Variants in ZXDB observed in about 807,000 individuals in gnomAD.
The protein encoded by ZXDB is zinc finger X-linked protein ZXDB.
For synonymous variants in ZXDB, 273 were observed against 314.3 expected, an observed-to-expected ratio of 0.87 and a Z score of 1.39; for missense variants, 413 against 679.1, an observed-to-expected ratio of 0.61 and a Z score of 4.36.
chrX:57,596,406 A>G lies in ZXDB; in HGVS notation c.*1946A>G, dbSNP rs781406947. ...ATTGAACTGGAATATTGTGTAAACT[A>G]TCTGTCTTACATTAGTGTAGCATTT... On this transcript the variant is annotated 3_prime_UTR_variant, in exon 1 of 1. Transcript: ENST00000374888. The G allele has an allele frequency of 2.4e-5, 3 of 123,368 alleles. No individual in the cohort carries two copies. Among genetic ancestry groups the G allele is most frequent in the Non-Finnish European group, 3.8e-5 (2 of 53,274 alleles). The allele number at this position is 123,368 out of a possible 1,213,427, so 10.2% of individuals were successfully genotyped here.
At position 57,594,548 on chromosome X, in the gene ZXDB, A is replaced by T; in HGVS notation, c.*88A>T. The stretch of plus-strand genomic sequence containing the variant: ...CTGGACTAAATATTTAAGTGCAGTC[A>T]TTTCTTTTTGGTTTGCAAAAAGAGC... On this transcript the variant is annotated 3_prime_UTR_variant, in exon 1 of 1. Transcript: ENST00000374888. The T allele has an allele frequency of 9.3e-7, 1 of 1,079,344 alleles. No homozygotes were observed. The highest frequency in any genetic ancestry group is 1.2e-6 in the Non-Finnish European group (1 of 805,901). 89.0% of individuals were successfully genotyped at this position (1,079,344 alleles called of 1,213,427 possible). A position where few individuals can be genotyped will look rare whatever the true frequency, so the allele number is the denominator to read the frequency against.
Position 57,596,823 on chromosome X carries a change from A to G in ZXDB, c.*2363A>G, listed in dbSNP as rs2057912166. 8.1e-6 allele frequency: 1 copy of G among 122,845 alleles called. No homozygotes were observed. The highest frequency in any genetic ancestry group is 1.9e-5 in the Non-Finnish European group (1 of 53,161). 10.1% of individuals were successfully genotyped at this position (122,845 alleles called of 1,213,427 possible). On this transcript the variant is annotated 3_prime_UTR_variant, in exon 1 of 1. Coordinates refer to ENST00000374888, the MANE Select transcript of ZXDB (RefSeq NM_007157.4). The stretch of plus-strand genomic sequence containing the variant: ...CCATTATCCCTCAGACATTCTCCTC[A>G]TGGCACATTTTCTTCAAATGCTAAC...
In ZXDB at chrX:57,593,753, G is replaced by A; in HGVS notation, c.1705G>A (p.Val569Ile). The A allele has an allele frequency of 8.3e-7, 1 of 1,210,448 alleles. No individual in the cohort carries two copies. The highest frequency in any genetic ancestry group is 1.1e-6 in the Non-Finnish European group (1 of 895,030). Reference sequence around the variant, plus strand: ...CAAGCACAGCATGAAGACGCACATGGTTAAAAGGCATAAGGTGGGCCAGGA... The same window carrying A: ...CAAGCACAGCATGAAGACGCACATGATTAAAAGGCATAAGGTGGGCCAGGA... ...TSKHSMKTHMVKRHKVGQDLL... is the reference protein window; with the variant it reads ...TSKHSMKTHMIKRHKVGQDLL... The change falls in exon 1 of 1, where the codon GTT (valine) becomes ATT (isoleucine). Residue 569 changes from valine (V) to isoleucine (I), a missense_variant. Physicochemically the swap from Val to Ile is conservative, Grantham distance 29 (BLOSUM62 3). Transcript: ENST00000374888.
In ZXDB at chrX:57,592,889, A is replaced by T; in HGVS notation, c.841A>T (p.Thr281Ser). The change falls in exon 1 of 1, where the codon ACC becomes TCC. Residue 281 changes from threonine (T) to serine (S), a missense_variant. Physicochemically the swap from Thr to Ser is moderately conservative, Grantham distance 58. Transcript: ENST00000374888. ...YLCPEAQCGQTFAKKHQLKVH... is the reference protein window; with the variant it reads ...YLCPEAQCGQSFAKKHQLKVH... ...GTGCCCCGAGGCGCAGTGCGGGCAA[A>T]CCTTCGCCAAGAAGCACCAGCTGAA... 1 of 1,187,206 alleles carries T rather than the reference A, an allele frequency of 8.4e-7. No homozygotes were observed.
chrX:57,592,627 C>G lies in ZXDB; in HGVS notation c.579C>G (p.His193Gln), dbSNP rs896634465. ...TCACCCTGGCCACGCCCCCACCACA[C>G]GCCTGGGAGCCAGGGGCCGCTCCTG... ...GVLTLATPPP[H>Q]AWEPGAAPAQ... is the part of the protein sequence containing the mutation. The change falls in exon 1 of 1, where the codon CAC (histidine) becomes CAG (glutamine). Residue 193 changes from histidine to glutamine, a missense_variant. Physicochemically the swap from His to Gln is conservative, Grantham distance 24 (BLOSUM62 0). Coordinates refer to ENST00000374888, the MANE Select transcript of ZXDB (RefSeq NM_007157.4). 19 of 1,192,710 alleles carry G rather than the reference C, an allele frequency of 1.6e-5. No homozygotes were observed. The highest frequency in any genetic ancestry group is 2.0e-5 in the Non-Finnish European group (18 of 888,618).
rs1246643493 is a variant in ZXDB at position 57,594,803 on chromosome X, GT to G, written c.*352del. 55 of 164,047 alleles carry G rather than the reference GT, an allele frequency of 3.4e-4. No homozygotes were observed. The highest frequency in any genetic ancestry group is 2.6e-3 in the Middle Eastern group (1 of 386). 13.5% of individuals were successfully genotyped at this position (164,047 alleles called of 1,213,427 possible). A position where few individuals can be genotyped will look rare whatever the true frequency, so the allele number is the denominator to read the frequency against. Reference sequence around the variant, plus strand: ...GACGTTTTTCAGTGATGTGGCATGCGTTTTTTTTTAACTGCCCCCCCAGCCC... The same window carrying G: ...GACGTTTTTCAGTGATGTGGCATGCGTTTTTTTTAACTGCCCCCCCAGCCC... On this transcript the variant is annotated 3_prime_UTR_variant, in exon 1 of 1. Transcript: ENST00000374888.
Position 57,592,825 on chromosome X carries a change from C to G in ZXDB, c.777C>G (p.Arg259=), listed in dbSNP as rs1481394770. 4 of 1,152,775 alleles carry G rather than the reference C, an allele frequency of 3.5e-6. No individual in the cohort carries two copies. Among genetic ancestry groups the G allele is most frequent in the Non-Finnish European group, 4.6e-6 (4 of 869,000 alleles). The change falls in exon 1 of 1, where the codon CGC becomes CGG. Residue 259 remains arginine, a synonymous_variant. Transcript: ENST00000374888. Reference sequence around the variant, plus strand: ...GCCCGGCCGCCGCCCTGGGCCCCCGCGGACCGCTGGGCTCCGGCCCAGGCG... The same window carrying G: ...GCCCGGCCGCCGCCCTGGGCCCCCGGGGACCGCTGGGCTCCGGCCCAGGCG... The part of the protein sequence containing the change: ...AEGPAAALGP[R]GPLGSGPGVV...
chrX:57,592,455 C>T lies in ZXDB; in HGVS notation c.407C>T (p.Pro136Leu). The change falls in exon 1 of 1, where the codon CCC (proline) becomes CTC (leucine). Residue 136 changes from proline to leucine, a missense_variant. Transcript: ENST00000374888. ...GLQGGESGAN[P>L]AGPTALGPRC... ...CAGGGGGGCGAGAGCGGCGCGAATCCCGCGGGGCCCACTGCGCTAGGCCCC... is the reference window on the plus strand; with the variant it reads ...CAGGGGGGCGAGAGCGGCGCGAATCTCGCGGGGCCCACTGCGCTAGGCCCC... 6 of 1,165,198 alleles carry T rather than the reference C, an allele frequency of 5.1e-6. No homozygotes were observed. Among genetic ancestry groups the T allele is most frequent in the Non-Finnish European group, 6.9e-6 (6 of 875,525 alleles).
rs745856216 is a variant in ZXDB, at chrX:57,592,474, A to G, written c.426A>G (p.Leu142=). ...CGAATCCCGCGGGGCCCACTGCGCTAGGCCCCCGCTGCCTGTCCGCGGTTC... is the reference window on the plus strand; with the variant it reads ...CGAATCCCGCGGGGCCCACTGCGCTGGGCCCCCGCTGCCTGTCCGCGGTTC... ...SGANPAGPTA[L]GPRCLSAVPT... is the part of the protein sequence containing the mutation. The change falls in exon 1 of 1, where the codon CTA becomes CTG. Residue 142 remains leucine, a synonymous_variant. Coordinates refer to ENST00000374888, the MANE Select transcript of ZXDB (RefSeq NM_007157.4). The G allele has an allele frequency of 1.7e-4, 200 of 1,177,884 alleles. No homozygotes were observed. The highest frequency in any genetic ancestry group is 3.1e-4 in the East Asian group (10 of 31,787).
At position 57,593,535 on chromosome X, in the gene ZXDB, C is replaced by A. The variant is rs1489037255; in HGVS notation, c.1487C>A (p.Thr496Lys). 1 of 1,211,563 alleles carries A rather than the reference C, an allele frequency of 8.3e-7. No individual in the cohort carries two copies. Reference sequence around the variant, plus strand: ...GTGGAAGGCTGTGGGAAATCTTTCACGAGGGCGGAACATCTGAAAGGCCAC... The same window carrying A: ...GTGGAAGGCTGTGGGAAATCTTTCAAGAGGGCGGAACATCTGAAAGGCCAC... ...CPVEGCGKSF[T>K]RAEHLKGHSI... Residue 496 changes from threonine to lysine, a missense_variant, in exon 1 of 1, where the codon ACG (threonine) becomes AAG (lysine). By Grantham distance (78) the Thr-to-Lys change is moderately conservative (BLOSUM62 -1). Coordinates refer to ENST00000374888, the MANE Select transcript of ZXDB (RefSeq NM_007157.4).
Position 57,592,273 on chromosome X carries a change from G to T in ZXDB, c.225G>T (p.Ala75=). ...ASRGPGPSLL[A]PRTDQPSGGG... is the part of the protein sequence containing the mutation. Reference sequence around the variant, plus strand: ...GGGGCCCTGGCCCAAGCCTGTTGGCGCCGAGGACCGATCAACCTAGCGGCG... The same window carrying T: ...GGGGCCCTGGCCCAAGCCTGTTGGCTCCGAGGACCGATCAACCTAGCGGCG... The change falls in exon 1 of 1, where the codon GCG becomes GCT. Residue 75 remains alanine, a synonymous_variant. Coordinates refer to ENST00000374888, the MANE Select transcript of ZXDB (RefSeq NM_007157.4). 1.7e-6 allele frequency: 2 copies of T among 1,181,647 alleles called. No individual in the cohort carries two copies. The highest frequency in any genetic ancestry group is 3.2e-5 in the East Asian group (1 of 31,301).
chrX:57,593,244 G>C lies in ZXDB; in HGVS notation c.1196G>C (p.Gly399Ala). 2 of 1,211,868 alleles carry C rather than the reference G, an allele frequency of 1.7e-6. No individual in the cohort carries two copies. The highest frequency in any genetic ancestry group is 2.2e-6 in the Non-Finnish European group (2 of 895,564). Residue 399 changes from glycine to alanine, a missense_variant, in exon 1 of 1, where the codon GGC becomes GCC. Coordinates refer to ENST00000374888, the MANE Select transcript of ZXDB (RefSeq NM_007157.4). ...PERPYQCAFSGCKKTFITVSA... is the reference protein window; with the variant it reads ...PERPYQCAFSACKKTFITVSA... ...AGGCCTTACCAGTGCGCGTTTTCTG[G>C]CTGCAAGAAGACATTTATCACAGTG...
rs753764222 is a variant in ZXDB at position 57,594,417 on chromosome X, A to C, written c.2369A>C (p.Glu790Ala). The C allele has an allele frequency of 8.3e-7, 1 of 1,211,314 alleles. No homozygotes were observed. The highest frequency in any genetic ancestry group is 1.7e-5 in the African/African-American group (1 of 57,824). ...GCAGGAAACCATGGTTCTCAGAAAGAAACAGATCTTATCACTGTGACTGGC... is the reference window on the plus strand; with the variant it reads ...GCAGGAAACCATGGTTCTCAGAAAGCAACAGATCTTATCACTGTGACTGGC... ...NAAGNHGSQK[E>A]TDLITVTGSS... Residue 790 changes from glutamate (E) to alanine (A), a missense_variant, in exon 1 of 1, where the codon GAA becomes GCA. Physicochemically the swap from Glu to Ala is moderately radical, Grantham distance 107. Coordinates refer to ENST00000374888, the MANE Select transcript of ZXDB (RefSeq NM_007157.4).
rs191053104 is a variant in ZXDB at position 57,595,099 on chromosome X, A to G, written c.*639A>G. On this transcript the variant is annotated 3_prime_UTR_variant, in exon 1 of 1. Transcript: ENST00000374888. ...CATTATCGCAAGTGATATTTACAGT[A>G]ATTCTTTAATATCAGTAAATATCCA... The G allele has an allele frequency of 5.7e-5, 7 of 123,442 alleles. No individual in the cohort carries two copies. In the East Asian group the frequency reaches 1.9e-3, roughly 34 times the overall value. 10.2% of individuals were successfully genotyped at this position (123,442 alleles called of 1,213,427 possible). A position where few individuals can be genotyped will look rare whatever the true frequency, so the allele number is the denominator to read the frequency against.
chrX:57,593,203 C>A lies in ZXDB; in HGVS notation c.1155C>A (p.Ser385Arg). The change falls in exon 1 of 1, where the codon AGC (serine) becomes AGA (arginine). Residue 385 changes from serine to arginine, a missense_variant. Coordinates refer to ENST00000374888, the MANE Select transcript of ZXDB (RefSeq NM_007157.4). ...CCAAACTCAGCGCCCACCAGCGCAGCCACTTCGAACCGGAGAGGCCTTACC... is the reference window on the plus strand; with the variant it reads ...CCAAACTCAGCGCCCACCAGCGCAGACACTTCGAACCGGAGAGGCCTTACC... ...TQAKLSAHQR[S>R]HFEPERPYQC... The A allele has an allele frequency of 1.7e-6, 2 of 1,212,018 alleles. No individual in the cohort carries two copies. The highest frequency in any genetic ancestry group is 2.2e-6 in the Non-Finnish European group (2 of 895,604).
rs763736453 is a variant in ZXDB, at chrX:57,592,596, G to C, written c.548G>C (p.Gly183Ala). Residue 183 changes from glycine to alanine, a missense_variant, in exon 1 of 1, where the codon GGC becomes GCC. By Grantham distance (60) the Gly-to-Ala change is moderately conservative. Coordinates refer to ENST00000374888, the MANE Select transcript of ZXDB (RefSeq NM_007157.4). Reference sequence around the variant, plus strand: ...GACCTGCTGTTGCGCTTTGAGAACGGCGTCCTCACCCTGGCCACGCCCCCA... The same window carrying C: ...GACCTGCTGTTGCGCTTTGAGAACGCCGTCCTCACCCTGGCCACGCCCCCA... ...NQDLLLRFEN[G>A]VLTLATPPPH... 2.4e-5 allele frequency: 29 copies of C among 1,198,015 alleles called. No homozygotes were observed. The Middle Eastern group carries it at 7.1e-3, about 292-fold the overall frequency.
In ZXDB at chrX:57,594,710, G is replaced by C; in HGVS notation, c.*250G>C. ...TTTATAAATTGAGGTGGTTTGAATA[G>C]ATTGCTTTTAAGGTCTTTCTGCTCT... On this transcript the variant is annotated 3_prime_UTR_variant, in exon 1 of 1. Coordinates refer to ENST00000374888, the MANE Select transcript of ZXDB (RefSeq NM_007157.4). 1 of 329,339 alleles carries C rather than the reference G, an allele frequency of 3.0e-6. No individual in the cohort carries two copies. Among genetic ancestry groups the C allele is most frequent in the Non-Finnish European group, 5.3e-6 (1 of 186,977 alleles). 27.1% of individuals were successfully genotyped at this position (329,339 alleles called of 1,213,427 possible).
In ZXDB at chrX:57,592,252, C is replaced by T; in HGVS notation, c.204C>T (p.Gly68=). The T allele has an allele frequency of 8.6e-7, 1 of 1,166,036 alleles. No homozygotes were observed. Among genetic ancestry groups the T allele is most frequent in the South Asian group, 1.9e-5 (1 of 52,871 alleles). Residue 68 remains glycine (G), a synonymous_variant, in exon 1 of 1, where the codon GGC becomes GGT. Transcript: ENST00000374888. ...AGGAGGCCAGCACGGCATCACGGGG[C>T]CCTGGCCCAAGCCTGTTGGCGCCGA... ...RREEASTASR[G]PGPSLLAPRT... is the part of the protein sequence containing the mutation.
In ZXDB at chrX:57,593,395, C is replaced by A. The variant is rs753036689; in HGVS notation, c.1347C>A (p.Thr449=). The A allele has an allele frequency of 8.3e-7, 1 of 1,209,963 alleles. No individual in the cohort carries two copies. The highest frequency in any genetic ancestry group is 2.2e-5 in the Admixed American group (1 of 45,802). ...CRLKIHLRSH[T]GERPFLCDFD... is the part of the protein sequence containing the mutation. ...TGAAAATTCACCTGCGGAGTCACAC[C>A]GGCGAGAGACCTTTCCTTTGTGACT... The change falls in exon 1 of 1, where the codon ACC becomes ACA. Residue 449 remains threonine, a synonymous_variant. Coordinates refer to ENST00000374888, the MANE Select transcript of ZXDB (RefSeq NM_007157.4).
Sources: gnomAD v4.1 joint callset for allele counts on GRCh38, gnomAD v4.1.1 for gene constraint, MANE v1.5 for transcripts, NCBI Gene and HGNC (gene_info 2026-07-23, HGNC 2026-07-21) for gene names.